The following CD83 variants were observed in gnomAD, a reference collection of about 807,000 sequenced individuals.
The protein encoded by CD83 is CD83 antigen.
A neutral mutation model predicts 24.6 loss-of-function variants in CD83; 22 were observed. The ratio of observed to expected loss-of-function variants is 0.90; its 90% confidence interval spans 0.64 to 1.28. The LOEUF (loss-of-function observed/expected upper bound fraction) is 1.28. CD83 is among the 50% of genes most tolerant of loss of function. The pLI is 0.00. For missense variants in CD83, 253 were observed against 252.8 expected (o/e 1.00, Z -0.01); for synonymous variants, 101 against 103.5 (o/e 0.98, Z 0.14).
rs908031235 is a variant in CD83 at position 14,136,184 on chromosome 6, A to G, written c.*948A>G. On this transcript the variant is annotated 3_prime_UTR_variant, in exon 5 of 5. Transcript: ENST00000379153. ...TGTTGCATGGGCTAATGAAGATCATATACGTGAAAATTATTTGAAAACATA... is the reference window on the plus strand; with the variant it reads ...TGTTGCATGGGCTAATGAAGATCATGTACGTGAAAATTATTTGAAAACATA... The G allele has an allele frequency of 1.3e-5, 2 of 152,262 alleles. No individual in the cohort carries two copies. The highest frequency in any genetic ancestry group is 2.9e-5 in the Non-Finnish European group (2 of 68,052). The allele number at this position is 152,262 out of a possible 1,614,324, so 9.4% of individuals were successfully genotyped here.
In CD83 at chr6:14,136,636, C is replaced by T. The variant is rs1758058705; in HGVS notation, c.*1400C>T. ...TACCAAGTTGATTTAGTGTTTTTAC[C>T]TCTGTCTTGGCTTTCATGTTATTAA... On this transcript the variant is annotated 3_prime_UTR_variant, in exon 5 of 5. Coordinates refer to ENST00000379153, the MANE Select transcript of CD83 (RefSeq NM_004233.4). The T allele has an allele frequency of 6.6e-6, 1 of 152,070 alleles. No individual in the cohort carries two copies. Among genetic ancestry groups the T allele is most frequent in the Admixed American group, 6.6e-5 (1 of 15,266 alleles). The allele number at this position is 152,070 out of a possible 1,614,324, so 9.4% of individuals were successfully genotyped here.
rs1180324241 is a variant in CD83 at position 14,129,274 on chromosome 6, G to C, written c.154-2246G>C. Among the ~76,000 whole-genome samples the C allele has an allele frequency of 6.6e-6, 1 of 152,242 alleles. No individual in the cohort carries two copies. The highest frequency in any genetic ancestry group is 1.9e-4 in the East Asian group (1 of 5,196). On this transcript the variant is annotated intron_variant, in intron 2 of 4. Coordinates refer to ENST00000379153, the MANE Select transcript of CD83 (RefSeq NM_004233.4). This position sits in a 1 kb window ranked among gnomAD's most constrained non-coding sequence, Gnocchi z 4.3. The stretch of plus-strand genomic sequence containing the variant: ...GGCCTTTCAGGCCATCCTAGACACA[G>C]ATTGGCCCTGGATGGGCCTCGGTCT...
intron 2 of CD83, among the ~76,000 whole-genome samples, chr6:14,121,011 C>T (rs1035373258): frequency 2.6e-5 from 4 of 152,180 alleles, no homozygotes; most frequent in Admixed American, 2.6e-4. Flanking sequence ...CCTGTTGGCC[C>T]AGCTCTTCTC....
rs750402077 is a variant in CD83, at chr6:14,129,801, A to G, written c.154-1719A>G. 1.3e-5 allele frequency among the ~76,000 whole-genome samples: 2 copies of G among 151,790 alleles called. No individual in the cohort carries two copies. Among genetic ancestry groups the G allele is most frequent in the African/African-American group, 2.4e-5 (1 of 41,240 alleles). ...GAGCTTTCCGGTGACCTTGTGGTAT[A>G]TGCTCTGAATTAATAAATGAAGCAG... On this transcript the variant is annotated intron_variant, in intron 2 of 4. Coordinates refer to ENST00000379153, the MANE Select transcript of CD83 (RefSeq NM_004233.4). This position sits in a 1 kb window ranked among gnomAD's most constrained non-coding sequence, Gnocchi z 4.3.
At chr6:14,119,226 G>A (rs1030413411) in intron 2 of CD83, among the ~76,000 whole-genome samples, 1 of 152,154 alleles carries the variant, frequency 6.6e-6, no homozygotes, top group Non-Finnish European at 1.5e-5. Flanking sequence ...CACTTCATGA[G>A]TTATGCATGA....
intron 2 of CD83, 144 bp from the exon 3 acceptor site, chr6:14,131,375 CA>C: frequency 1.6e-6 from 1 of 629,574 alleles, no homozygotes; most frequent in East Asian, 2.7e-5. Flanking sequence ...TTTCCTCCCC[CA>C]GAGGTCACAC....
upstream of CD83, chr6:14,117,651 C>G (rs534336653): frequency 1.5e-5 from 6 of 413,736 alleles, no homozygotes; most frequent in East Asian, 1.5e-4. This position sits in a 1 kb window ranked among gnomAD's most constrained non-coding sequence, Gnocchi z 4.6. Context: ...GCGCCCCGGC[C>G]TAAGCGGGAC....
chr6:14,121,540 G>A (rs959408148), intron 2 of CD83, among the ~76,000 whole-genome samples: 1 of 150,326 alleles, frequency 6.7e-6, no homozygotes, highest in Non-Finnish European at 1.5e-5. Context: ...AGCATTTTGG[G>A]AGGCGAAGAT....
chr6:14,123,163 T>G (rs1759709939), intron 2 of CD83, among the ~76,000 whole-genome samples: 2 of 151,838 alleles, frequency 1.3e-5, no homozygotes, highest in African/African-American at 2.4e-5. Context: ...TGTGGTGTGA[T>G]CTCAGCTCAC....
At chr6:14,130,559 T>TA (rs372510215) in intron 2 of CD83, among the ~76,000 whole-genome samples, 1 of 151,992 alleles carries the variant, frequency 6.6e-6, no homozygotes, top group East Asian at 1.9e-4. Flanking sequence ...ACACTGCCTC[T>TA]AAAAAAACAA....
chr6:14,118,309 C>A (rs1462355301), intron 2 of CD83, among the ~76,000 whole-genome samples: 1 of 150,986 alleles, frequency 6.6e-6, no homozygotes, highest in East Asian at 2.0e-4. Context: ...CTGAAGGTGG[C>A]CTGAGATGAA....
chr6:14,121,479 T>A (rs1759667322), intron 2 of CD83, among the ~76,000 whole-genome samples: 1 of 151,566 alleles, frequency 6.6e-6, no homozygotes, highest in Non-Finnish European at 1.5e-5. Context: ...ATTTATCTTT[T>A]AAAGTTGTAA....
chr6:14,132,713 C>CA (rs59151358), intron 3 of CD83, among the ~76,000 whole-genome samples: 68,014 of 152,044 alleles, frequency 0.45, 15,616 homozygotes, highest in Non-Finnish European at 0.52. Context: ...TCTCATTACC[C>CA]ACGGCTGTGA....
chr6:14,127,600 G>A (rs924754967), intron 2 of CD83, among the ~76,000 whole-genome samples: 2 of 148,872 alleles, frequency 1.3e-5, no homozygotes, highest in Admixed American at 6.8e-5. Flanking sequence ...TAGTACTTGT[G>A]TTTGCTTGAT....
intron 2 of CD83, 115 bp from the exon 3 acceptor site, chr6:14,131,402 ACGT>A (rs1220815341): frequency 1.4e-6 from 1 of 711,620 alleles, no homozygotes; most frequent in African/African-American, 1.8e-5. Flanking sequence ...CAAAAGCATC[ACGT>A]CTTGTTTTAC....
chr6:14,131,789 C>A (rs779053578), intron 3 of CD83, 41 bp downstream of exon 3: 6 of 1,328,448 alleles, frequency 4.5e-6, no homozygotes, highest in Non-Finnish European at 6.5e-6. Flanking sequence ...TTGAACAATG[C>A]ATGTGTACTT....
intron 3 of CD83, among the ~76,000 whole-genome samples, chr6:14,133,305 G>T (rs1026036449): frequency 5.9e-5 from 9 of 152,358 alleles, no homozygotes; most frequent in South Asian, 2.1e-4. Flanking sequence ...AGGCAGACAG[G>T]CCGCAGGATA....
rs1313420810 is a variant in CD83, at chr6:14,133,629, T to G, written c.383-20T>G. On this transcript the variant is annotated intron_variant, in intron 3 of 4. Coordinates refer to ENST00000379153, the MANE Select transcript of CD83 (RefSeq NM_004233.4). Reference sequence around the variant, plus strand: ...AAAATCCTGTTAAAATGGCTTCACATGTCGCTTACTTTTTTAAAGGATGCC... The same window carrying G: ...AAAATCCTGTTAAAATGGCTTCACAGGTCGCTTACTTTTTTAAAGGATGCC... 2 of 1,508,686 alleles carry G rather than the reference T, an allele frequency of 1.3e-6. No individual in the cohort carries two copies. Among genetic ancestry groups the G allele is most frequent in the African/African-American group, 2.8e-5 (2 of 71,658 alleles). The allele number at this position is 1,508,686 out of a possible 1,614,324, so 93.5% of individuals were successfully genotyped here. A position where few individuals can be genotyped will look rare whatever the true frequency, so the allele number is the denominator to read the frequency against.
chr6:14,136,913 TG>T (rs1758067011), downstream of CD83: 1 of 151,874 alleles, frequency 6.6e-6, no homozygotes, highest in African/African-American at 2.4e-5. Flanking sequence ...GCTAGGATGT[TG>T]TAAACCAGTT....
Sources: gnomAD v4.1 joint callset for allele counts (sites outside exome capture counted in the v4.1 genomes callset) on GRCh38, gnomAD v4.1.1 for gene constraint, Gnocchi (gnomAD v3.1) non-coding constraint, MANE v1.5 for transcripts, NCBI Gene and HGNC (gene_info 2026-07-23, HGNC 2026-07-21) for gene names.